Variants in ATG4B observed in about 807,000 individuals in gnomAD.
ATG4B encodes the protein cysteine protease ATG4B.
Under a neutral mutation model 56.6 loss-of-function variants are expected in ATG4B, and 29 were observed. That is an observed-to-expected ratio of 0.51 (90% CI 0.38 to 0.70). The LOEUF (loss-of-function observed/expected upper bound fraction) is 0.70. ATG4B is among the 30% of genes least tolerant of loss of function. The probability of loss-of-function intolerance (pLI) is 0.00; values close to 1 mark genes in which losing one functional copy is unlikely to be tolerated. For missense variants in ATG4B, 461 were observed against 515.5 expected (o/e 0.89, Z 1.02); for synonymous variants, 224 against 206.1 (o/e 1.09, Z -0.74).
rs1340450130 is a variant in ATG4B at position 241,637,714 on chromosome 2, G to C, written c.-1G>C. On this transcript the variant is annotated 5_prime_UTR_variant, in exon 1 of 13. Transcript: ENST00000404914. ...GGTCAGTCGGCGGCCGGACTGGGAA[G>C]ATGGACGCAGGTGAGGAGTTGCCGG... is the stretch of plus-strand genomic sequence containing the variant. The C allele has an allele frequency of 3.2e-6, 5 of 1,582,804 alleles. No individual in the cohort carries two copies. The highest frequency in any genetic ancestry group is 2.3e-5 in the South Asian group (2 of 88,390).
At chr2:241,672,088 TGCAGA>T in intron 12 of ATG4B, 98 bp from the exon 13 acceptor site, 1 of 1,507,586 alleles carries the variant, frequency 6.6e-7, no homozygotes, top group Non-Finnish European at 8.9e-7. Context: ...GTCTGTGGGC[TGCAGA>T]GCAGGCACTG....
At chr2:241,655,792 G>T (rs541625055) in intron 6 of ATG4B, among the ~76,000 whole-genome samples, 2 of 152,296 alleles carry the variant, frequency 1.3e-5, no homozygotes, top group African/African-American at 4.8e-5. Flanking sequence ...CTGAAAGTGT[G>T]CTCTGCACCT....
chr2:241,652,091 C>T, intron 3 of ATG4B: 1 of 626,678 alleles, frequency 1.6e-6, no homozygotes, highest in South Asian at 1.7e-5. Flanking sequence ...GCCACAACGG[C>T]TGGACATTGG....
chr2:241,666,038 T>C lies in ATG4B; in HGVS notation c.539-607T>C, dbSNP rs543981573. Among the ~76,000 whole-genome samples the C allele has an allele frequency of 3.3e-5, 5 of 152,370 alleles. No individual in the cohort carries two copies. In the East Asian group the frequency reaches 5.8e-4, roughly 18 times the overall value. ...CGTTTATGTTTTGAGCCCTCCCTTA[T>C]GTTCTGGGTTAAGCAGATGCTGCAG... On this transcript the variant is annotated intron_variant, in intron 7 of 12. Transcript: ENST00000404914.
At chr2:241,663,648 AAT>A (rs2068660342) in intron 7 of ATG4B, among the ~76,000 whole-genome samples, 1 of 152,192 alleles carries the variant, frequency 6.6e-6, no homozygotes, top group Non-Finnish European at 1.5e-5. Flanking sequence ...ACCAAAGAAT[AAT>A]ATTAAAGACA....
chr2:241,644,977 G>A (rs2068019631), intron 1 of ATG4B, among the ~76,000 whole-genome samples: 1 of 151,970 alleles, frequency 6.6e-6, no homozygotes, highest in Non-Finnish European at 1.5e-5. Flanking sequence ...AATTAGAAGT[G>A]TTAATTCCAA....
intron 11 of ATG4B, 129 bp downstream of exon 11, chr2:241,670,911 G>T (rs1037968074): frequency 2.1e-6 from 2 of 974,016 alleles, no homozygotes; most frequent in Non-Finnish European, 3.2e-6. Context: ...GCTTTGTCCC[G>T]CCTGGCACAG....
intron 6 of ATG4B, among the ~76,000 whole-genome samples, 194 bp from the exon 7 acceptor site, chr2:241,658,914 G>A (rs1444407357): frequency 7.2e-5 from 11 of 152,248 alleles, no homozygotes; most frequent in Non-Finnish European, 1.3e-4. Flanking sequence ...TGGGCCTCAG[G>A]CGAGAAGAAG....
At chr2:241,670,124 C>A (rs1277089438) in intron 10 of ATG4B, among the ~76,000 whole-genome samples, 1 of 152,208 alleles carries the variant, frequency 6.6e-6, no homozygotes, top group African/African-American at 2.4e-5. Flanking sequence ...CCAGTTTGAG[C>A]TTCTCCCCCC....
chr2:241,653,126 C>G (rs2068271703), intron 3 of ATG4B, among the ~76,000 whole-genome samples: 1 of 152,240 alleles, frequency 6.6e-6, no homozygotes, highest in Non-Finnish European at 1.5e-5. Context: ...TTCCTGTGCT[C>G]TCAGCAGCAC....
chr2:241,668,097 T>C lies in ATG4B; in HGVS notation c.733-46T>C. The C allele has an allele frequency of 6.5e-7, 1 of 1,544,496 alleles. No homozygotes were observed. The highest frequency in any genetic ancestry group is 8.8e-7 in the Non-Finnish European group (1 of 1,140,862). ...CCTATGGCAGTGGGTGGGGGGACCG[T>C]CTGCTCCCACCTGGGACCTGTGCTC... On this transcript the variant is annotated intron_variant, in intron 8 of 12. Transcript: ENST00000404914. The surrounding 1 kb of genome is among the most constrained non-coding windows in gnomAD (Gnocchi z 4.2).
At chr2:241,670,604 A>G (rs575830989) in intron 10 of ATG4B, 122 bp from the exon 11 acceptor site, 40 of 927,310 alleles carry the variant, frequency 4.3e-5, no homozygotes, top group Admixed American at 3.7e-4. Context: ...GCAGGCTGGA[A>G]TGTCCAGCAC....
chr2:241,638,867 C>G (rs550247689), intron 1 of ATG4B, among the ~76,000 whole-genome samples: 8 of 152,192 alleles, frequency 5.3e-5, no homozygotes, highest in Non-Finnish European at 1.0e-4. Flanking sequence ...CAGCTGTGTA[C>G]TATTTGTTGT....
intron 1 of ATG4B, among the ~76,000 whole-genome samples, chr2:241,649,060 T>A (rs1036557876): frequency 3.3e-5 from 5 of 152,182 alleles, no homozygotes; most frequent in African/African-American, 1.2e-4. Flanking sequence ...GTTATCCCAT[T>A]TTATGGATGA....
intron 1 of ATG4B, among the ~76,000 whole-genome samples, chr2:241,648,371 G>A (rs961700930): frequency 6.6e-6 from 1 of 152,118 alleles, no homozygotes; most frequent in Admixed American, 6.5e-5. Flanking sequence ...TAAGGCAGGT[G>A]GATTGCTTGA....
rs968442574 is a variant in ATG4B, at chr2:241,673,823, T to C, written c.*1559T>C. On this transcript the variant is annotated 3_prime_UTR_variant, in exon 13 of 13. Transcript: ENST00000404914. Reference sequence around the variant, plus strand: ...TTCTTAGTAGTATAGTTTGCAATTCTTAATGGCAAATAATAAGTTTCAGTA... The same window carrying C: ...TTCTTAGTAGTATAGTTTGCAATTCCTAATGGCAAATAATAAGTTTCAGTA... 5 of 429,228 alleles carry C rather than the reference T, an allele frequency of 1.2e-5. No homozygotes were observed. Among genetic ancestry groups the C allele is most frequent in the Non-Finnish European group, 2.4e-5 (5 of 208,056 alleles). 26.6% of individuals were successfully genotyped at this position (429,228 alleles called of 1,614,324 possible).
intron 8 of ATG4B, 23 bp downstream of exon 8, chr2:241,666,861 T>C (rs1289920980): frequency 6.5e-7 from 1 of 1,541,788 alleles, no homozygotes; most frequent in Non-Finnish European, 8.7e-7. Context: ...GTGCGGCGCT[T>C]GCCCTGAGTC....
At chr2:241,663,050 A>G (rs931080384) in intron 7 of ATG4B, among the ~76,000 whole-genome samples, 1 of 152,116 alleles carries the variant, frequency 6.6e-6, no homozygotes, top group African/African-American at 2.4e-5. Flanking sequence ...AGCCTGGTCA[A>G]CATCGTAAAA....
chr2:241,670,338 G>A (rs1674840770), intron 10 of ATG4B, among the ~76,000 whole-genome samples: 1 of 152,070 alleles, frequency 6.6e-6, no homozygotes, highest in African/African-American at 2.4e-5. Context: ...AGCTTCCAGG[G>A]AGCTGCTGGG....
Sources: allele counts gnomAD v4.1 joint callset (sites outside exome capture counted in the v4.1 genomes callset), GRCh38; gene constraint gnomAD v4.1.1; non-coding constraint Gnocchi (gnomAD v3.1); transcripts MANE v1.5; gene names NCBI Gene and HGNC (gene_info 2026-07-23, HGNC 2026-07-21).